The following ADAMTS17 variants were observed in gnomAD, a reference collection of about 807,000 sequenced individuals.
ADAMTS17 encodes the protein ADAM metallopeptidase with thrombospondin type 1 motif 17, also known as A disintegrin and metalloproteinase with thrombospondin motifs 17.
A neutral mutation model predicts 141.5 loss-of-function variants in ADAMTS17; 113 were observed. The observed-to-expected ratio is 0.80, with a 90% CI of 0.69 to 0.93. The LOEUF (loss-of-function observed/expected upper bound fraction) is 0.93, where lower values mean the gene tolerates loss of function less well. Among genes scored for constraint, ADAMTS17 ranks in the 40% least tolerant of loss-of-function variants. The pLI is 0.00. For synonymous variants in ADAMTS17, 768 were observed against 630.6 expected, an observed-to-expected ratio of 1.22 and a Z score of -3.27; for missense variants, 1,659 against 1,517.9, an observed-to-expected ratio of 1.09 and a Z score of -1.54.
chr15:100,331,060 C>G lies in ADAMTS17; in HGVS notation c.451-6G>C. The G allele has an allele frequency of 6.2e-7, 1 of 1,614,130 alleles. No individual in the cohort carries two copies. Among genetic ancestry groups the G allele is most frequent in the African/African-American group, 1.3e-5 (1 of 75,040 alleles). On this transcript the variant is annotated splice_polypyrimidine_tract_variant and splice_region_variant and intron_variant, in intron 2 of 21. Transcript: ENST00000268070. ...CCAAGCTGAATGAGGCCAACCTGTC[C>G]AGAAAGGAGAAGGAAACGCGATGTC...
In ADAMTS17 at chr15:100,001,991, ACCC is replaced by A. The variant is rs1335419945; in HGVS notation, c.2592-4405_2592-4403del. ...GACTCAGTCTCAAAAAAAAGGCCAA[ACCC>A]AAAAAAAAAAAAAAAAAAAAAAGAA... is the stretch of plus-strand genomic sequence containing the variant. On this transcript the variant is annotated intron_variant, in intron 18 of 21. Coordinates refer to ENST00000268070, the MANE Select transcript of ADAMTS17 (RefSeq NM_139057.4). Among the ~76,000 whole-genome samples, 139 of 114,556 alleles carry A rather than the reference ACCC, an allele frequency of 1.2e-3. 6 individuals are homozygous for A. Among genetic ancestry groups the A allele is most frequent in the Non-Finnish European group, 1.4e-3 (78 of 54,102 alleles). The allele number at this position is 114,556 out of a possible 152,430, so 75.2% of individuals were successfully genotyped here. A position where few individuals can be genotyped will look rare whatever the true frequency, so the allele number is the denominator to read the frequency against.
At chr15:100,166,933 C>T (rs967864548) in intron 8 of ADAMTS17, among the ~76,000 whole-genome samples, 4 of 152,194 alleles carry the variant, frequency 2.6e-5, no homozygotes, top group African/African-American at 9.7e-5. Context: ...GTGGGGATCA[C>T]AGAGAAATCA....
In ADAMTS17 at chr15:100,162,185, G is replaced by T. The variant is rs900270644; in HGVS notation, c.1182-6865C>A. On this transcript the variant is annotated intron_variant, in intron 8 of 21. Coordinates refer to ENST00000268070, the MANE Select transcript of ADAMTS17 (RefSeq NM_139057.4). The stretch of plus-strand genomic sequence containing the variant: ...ACACAGCCTCTCTAAGCTAACCAGA[G>T]GACTGAAGTGACAAGCAAGTACTCA... Among the ~76,000 whole-genome samples the T allele has an allele frequency of 2.0e-5, 3 of 152,050 alleles. No homozygotes were observed. The South Asian group carries it at 6.2e-4, about 32-fold the overall frequency.
chr15:100,272,406 T>C (rs867699933), intron 4 of ADAMTS17, among the ~76,000 whole-genome samples: 2 of 152,040 alleles, frequency 1.3e-5, no homozygotes, highest in Non-Finnish European at 2.9e-5. Flanking sequence ...TAAAACTCTA[T>C]CCCTTATTTG....
chr15:100,318,092 T>C (rs1202341063), intron 3 of ADAMTS17, among the ~76,000 whole-genome samples: 4 of 152,044 alleles, frequency 2.6e-5, no homozygotes, highest in Non-Finnish European at 5.9e-5. Context: ...ATGACTGAGG[T>C]GACGGGTCAG....
chr15:100,057,060 AGT>A (rs2032640166), intron 15 of ADAMTS17, among the ~76,000 whole-genome samples: 1 of 152,052 alleles, frequency 6.6e-6, no homozygotes, highest in Non-Finnish European at 1.5e-5. Flanking sequence ...GGCTGCCTGC[AGT>A]GTGTGAGGCA....
At chr15:100,117,597 C>T (rs2037218637) in intron 12 of ADAMTS17, among the ~76,000 whole-genome samples, 1 of 152,152 alleles carries the variant, frequency 6.6e-6, no homozygotes, top group Non-Finnish European at 1.5e-5. Context: ...ATGCTATGGT[C>T]TTGGATCCTA....
At chr15:100,277,997 T>C (rs1422896210) in intron 4 of ADAMTS17, among the ~76,000 whole-genome samples, 1 of 152,238 alleles carries the variant, frequency 6.6e-6, no homozygotes, top group East Asian at 1.9e-4. Flanking sequence ...ACAACATGAA[T>C]GAACTCTGTG....
intron 4 of ADAMTS17, among the ~76,000 whole-genome samples, chr15:100,269,309 C>A (rs1415168275): frequency 6.6e-6 from 1 of 152,164 alleles, no homozygotes; most frequent in Non-Finnish European, 1.5e-5. Context: ...TTCTGTACAG[C>A]AAAAGAAACT....
intron 4 of ADAMTS17, among the ~76,000 whole-genome samples, chr15:100,264,670 C>A (rs931104354): frequency 1.3e-5 from 2 of 152,186 alleles, no homozygotes; most frequent in Admixed American, 6.5e-5. Flanking sequence ...CCCATTTTCT[C>A]CTTGGCTGGC....
At chr15:100,063,485 T>C in intron 15 of ADAMTS17, 1 of 374,768 alleles carries the variant, frequency 2.7e-6, no homozygotes, top group Non-Finnish European at 5.3e-6. Context: ...CCGCCCCTAA[T>C]CCACCATGGG....
intron 18 of ADAMTS17, among the ~76,000 whole-genome samples, chr15:100,028,578 T>C (rs1043648156): frequency 8.5e-5 from 13 of 152,258 alleles, no homozygotes; most frequent in Non-Finnish European, 1.9e-4. Flanking sequence ...GGAACTGTCC[T>C]GAGCCATTTA....
chr15:100,266,059 G>A (rs1251576784), intron 4 of ADAMTS17, among the ~76,000 whole-genome samples: 1 of 152,188 alleles, frequency 6.6e-6, no homozygotes, highest in Non-Finnish European at 1.5e-5. Flanking sequence ...TAAAATTCAT[G>A]TCATTTTCCC....
chr15:100,122,795 A>C (rs1283966452), intron 12 of ADAMTS17, among the ~76,000 whole-genome samples: 2 of 152,182 alleles, frequency 1.3e-5, no homozygotes, highest in African/African-American at 4.8e-5. Flanking sequence ...CTTCCTCCTC[A>C]TCATCTTCAC....
In ADAMTS17 at chr15:100,048,950, T is replaced by C. The variant is rs139179629; in HGVS notation, c.2498A>G (p.Lys833Arg). The C allele has an allele frequency of 6.2e-7, 1 of 1,614,176 alleles. No individual in the cohort carries two copies. The highest frequency in any genetic ancestry group is 1.3e-5 in the African/African-American group (1 of 75,048). The change falls in exon 18 of 22, where the codon AAG (lysine) becomes AGG (arginine). Residue 833 changes from lysine (K) to arginine (R), a missense_variant. Physicochemically the swap from Lys to Arg is conservative, Grantham distance 26 (BLOSUM62 2). Coordinates refer to ENST00000268070, the MANE Select transcript of ADAMTS17 (RefSeq NM_139057.4). ...ACTGTCGTTCACCAGAGTTGTGGTC[T>C]TGTTGACAATCCGTGTACACGAGAC... Reference protein sequence around the residue: ...TIVSCTRIVNKTTTLVNDSDC... With the variant: ...TIVSCTRIVNRTTTLVNDSDC...
At chr15:100,049,828 CA>C (rs1438075648) in intron 17 of ADAMTS17, among the ~76,000 whole-genome samples, 1 of 152,226 alleles carries the variant, frequency 6.6e-6, no homozygotes, top group African/African-American at 2.4e-5. Context: ...TTTCCTCAAG[CA>C]GCCTGGTTTG....
At chr15:100,042,807 A>C (rs2031367911) in intron 18 of ADAMTS17, among the ~76,000 whole-genome samples, 1 of 152,232 alleles carries the variant, frequency 6.6e-6, no homozygotes, top group Non-Finnish European at 1.5e-5. Context: ...CAGAACAGCA[A>C]GCAACTTAAA....
intron 1 of ADAMTS17, 44 bp downstream of exon 1, chr15:100,341,777 G>A: frequency 6.5e-7 from 1 of 1,539,828 alleles, no homozygotes; most frequent in Non-Finnish European, 8.8e-7. Context: ...AGGGAAGGTA[G>A]CCGCAGGACG....
intron 8 of ADAMTS17, among the ~76,000 whole-genome samples, chr15:100,189,867 A>G (rs2040854583): frequency 6.6e-6 from 1 of 152,226 alleles, no homozygotes; most frequent in African/African-American, 2.4e-5. Context: ...AGGCCCTGAC[A>G]TGATACACCC....
Sources: allele counts gnomAD v4.1 joint callset (sites outside exome capture counted in the v4.1 genomes callset), GRCh38; gene constraint gnomAD v4.1.1; transcripts MANE v1.5; gene names NCBI Gene and HGNC (gene_info 2026-07-23, HGNC 2026-07-21).